MAP3K11: variants seen among roughly 807,000 people sequenced by gnomAD.
MAP3K11 encodes mitogen-activated protein kinase kinase kinase 11, also known as SH3 domain-containing proline-rich kinase.
Under a neutral mutation model 84.9 loss-of-function variants are expected in MAP3K11, and 46 were observed. That is an observed-to-expected ratio of 0.54 (90% CI 0.43 to 0.69). The LOEUF (loss-of-function observed/expected upper bound fraction) is 0.69. MAP3K11 is among the 30% of genes least tolerant of loss of function. MAP3K11 has a pLI of 0.00. For synonymous variants in MAP3K11, 527 were observed against 514.7 expected, an observed-to-expected ratio of 1.02 and a Z score of -0.32; for missense variants, 1,053 against 1,198.3, an observed-to-expected ratio of 0.88 and a Z score of 1.79.
At position 65,608,422 on chromosome 11, in the gene MAP3K11, C is replaced by T. The variant is rs532976710; in HGVS notation, c.766G>A (p.Asp256Asn). 7 of 1,614,160 alleles carry T rather than the reference C, an allele frequency of 4.3e-6. No individual in the cohort carries two copies. In the South Asian group the frequency reaches 5.5e-5, roughly 13 times the overall value. Residue 256 changes from aspartate to asparagine, a missense_variant, in exon 2 of 10, where the codon GAC (aspartate) becomes AAC (asparagine). Asp to Asn is a conservative substitution (Grantham distance 23, BLOSUM62 1). Around this residue, in one of 3 missense-constraint regions of MAP3K11, gnomAD observed 310 missense variants for 464.5 expected, o/e 0.67. Transcript: ENST00000309100. The part of the protein sequence containing the change: ...NILLLQPIES[D>N]DMEHKTLKIT... The stretch of plus-strand genomic sequence containing the variant: ...TTCAGGGTCTTGTGCTCCATGTCGT[C>T]ACTCTCAATGGGCTGCAGCAGCAAA...
chr11:65,601,124 C>G lies in MAP3K11; in HGVS notation c.1832-1356G>C, dbSNP rs369813259. On this transcript the variant is annotated intron_variant, in intron 8 of 9. Coordinates refer to ENST00000309100, the MANE Select transcript of MAP3K11 (RefSeq NM_002419.4). The stretch of plus-strand genomic sequence containing the variant: ...TGACCCATGTGCCTTGGCCCCTGTC[C>G]GCAGCCCCAGTCCTGAGACTCCTCG... Among the ~76,000 whole-genome samples the G allele has an allele frequency of 6.6e-5, 10 of 152,302 alleles. No homozygotes were observed. In the East Asian group the frequency reaches 1.3e-3, roughly 21 times the overall value.
intron 8 of MAP3K11, 59 bp from the exon 9 acceptor site, chr11:65,599,827 C>T (rs1400652943): frequency 6.5e-7 from 1 of 1,549,894 alleles, no homozygotes; most frequent in African/African-American, 1.4e-5. Flanking sequence ...GGTGAGGGCC[C>T]AAGACCTCTC....
rs1409843441 is a variant in MAP3K11 at position 65,598,607 on chromosome 11, G to A, written c.2228C>T (p.Pro743Leu). The A allele has an allele frequency of 6.5e-6, 10 of 1,548,978 alleles. 1 individual carries two copies. Among genetic ancestry groups the A allele is most frequent in the South Asian group, 4.9e-5 (4 of 81,840 alleles). The change falls in exon 10 of 10, where the codon CCG becomes CTG. Residue 743 changes from proline (P) to leucine (L), a missense_variant. Pro to Leu is a moderately conservative substitution (Grantham distance 98, BLOSUM62 -3). Around this residue, in one of 3 missense-constraint regions of MAP3K11, gnomAD observed 583 missense variants for 566.6 expected, o/e 1.03. Transcript: ENST00000309100. ...EPRGGTVSPP[P>L]GTSRSAPGTP... is the part of the protein sequence containing the mutation. Reference sequence around the variant, plus strand: ...GCCAGGAGCAGAGCGTGATGTCCCCGGTGGGGGTGAGACAGTGCCTCCTGT... The same window carrying A: ...GCCAGGAGCAGAGCGTGATGTCCCCAGTGGGGGTGAGACAGTGCCTCCTGT...
Position 65,599,750 on chromosome 11 carries a change from C to T in MAP3K11, c.1850G>A (p.Ser617Asn). ...CCTCTTGGGCTCCTCGGGCTCCAGG[C>T]TAGGCCGCGGGGGGTTACCTGCGGG... ...PALNGNPPRP[S>N]LEPEEPKRPV... is the part of the protein sequence containing the mutation. Residue 617 changes from serine (S) to asparagine (N), a missense_variant, in exon 9 of 10, where the codon AGC (serine) becomes AAC (asparagine). By Grantham distance (46) the Ser-to-Asn change is conservative (BLOSUM62 1). Coordinates refer to ENST00000309100, the MANE Select transcript of MAP3K11 (RefSeq NM_002419.4). 1 of 1,593,030 alleles carries T rather than the reference C, an allele frequency of 6.3e-7. No individual in the cohort carries two copies. Among genetic ancestry groups the T allele is most frequent in the Non-Finnish European group, 8.5e-7 (1 of 1,177,378 alleles).
Position 65,607,280 on chromosome 11 carries a change from GCTGAT to G in MAP3K11, c.1474_1478del (p.Ile492HisfsTer18). 6.6e-7 allele frequency: 1 copy of G among 1,520,214 alleles called. No homozygotes were observed. The highest frequency in any genetic ancestry group is 8.7e-7 in the Non-Finnish European group (1 of 1,143,022). The allele number at this position is 1,520,214 out of a possible 1,614,324, so 94.2% of individuals were successfully genotyped here. ...GGGCCCGGCCCTCACCGAGTGGCAT[GCTGAT>G]ACGCTCGCCGCCGTCGCGCGCCCGG... is the stretch of plus-strand genomic sequence containing the variant. On this transcript the variant is annotated frameshift_variant, in exon 5 of 10. Coordinates refer to ENST00000309100, the MANE Select transcript of MAP3K11 (RefSeq NM_002419.4). LOFTEE classifies it high-confidence loss of function.
Position 65,605,863 on chromosome 11 carries a change from G to A in MAP3K11, c.1740-11C>T. The A allele has an allele frequency of 6.2e-7, 1 of 1,612,950 alleles. No homozygotes were observed. Among genetic ancestry groups the A allele is most frequent in the Non-Finnish European group, 8.5e-7 (1 of 1,179,446 alleles). Reference sequence around the variant, plus strand: ...ATGCGGGACCTTCTCCTGGTGATGGGAGGGCAAGGAGGGGTGCTTTAGGAA... The same window carrying A: ...ATGCGGGACCTTCTCCTGGTGATGGAAGGGCAAGGAGGGGTGCTTTAGGAA... On this transcript the variant is annotated splice_polypyrimidine_tract_variant and intron_variant, in intron 7 of 9. Coordinates refer to ENST00000309100, the MANE Select transcript of MAP3K11 (RefSeq NM_002419.4).
At chr11:65,612,407 G>C (rs1256185647) in intron 1 of MAP3K11, 1 of 152,330 alleles carries the variant, frequency 6.6e-6, no homozygotes, top group Non-Finnish European at 1.5e-5. Flanking sequence ...AGGACCCGCT[G>C]TGGGTTGGGG....
intron 8 of MAP3K11, among the ~76,000 whole-genome samples, chr11:65,602,202 CAAAAAA>C (rs34876918): frequency 1.1e-5 from 1 of 90,294 alleles, no homozygotes. Flanking sequence ...GACTCCATCT[CAAAAAA>C]AAAAAAAAAA....
chr11:65,600,878 G>A (rs966393075), intron 8 of MAP3K11, among the ~76,000 whole-genome samples: 2 of 152,194 alleles, frequency 1.3e-5, no homozygotes, highest in African/African-American at 4.8e-5. Flanking sequence ...GGAAAAATGA[G>A]CTTCTACTAT....
chr11:65,606,548 G>C (rs565633203), intron 6 of MAP3K11, 143 bp downstream of exon 6: 1 of 586,428 alleles, frequency 1.7e-6, no homozygotes, highest in Non-Finnish European at 3.0e-6. Flanking sequence ...GGAGTTCAGA[G>C]GTAACAGGCT....
chr11:65,607,616 C>T (rs1275455097), intron 4 of MAP3K11, 25 bp downstream of exon 4: 10 of 1,586,666 alleles, frequency 6.3e-6, no homozygotes, highest in Non-Finnish European at 8.6e-6. Context: ...CTCGTTCCAA[C>T]GCTGGGTCCC....
chr11:65,613,747 A>C lies in MAP3K11; in HGVS notation c.10T>G (p.Leu4Val). The C allele has an allele frequency of 6.4e-7, 1 of 1,558,738 alleles. No individual in the cohort carries two copies. Among genetic ancestry groups the C allele is most frequent in the Non-Finnish European group, 8.7e-7 (1 of 1,153,498 alleles). Residue 4 changes from leucine to valine, a missense_variant, in exon 1 of 10, where the codon TTG becomes GTG. Leu to Val is a conservative substitution (Grantham distance 32). Around this residue, in one of 3 missense-constraint regions of MAP3K11, gnomAD observed 160 missense variants for 167.3 expected, o/e 0.96. Coordinates refer to ENST00000309100, the MANE Select transcript of MAP3K11 (RefSeq NM_002419.4). MEP[L>V]KSLFLKSPLG... ...GGGCTCTTGAGGAAGAGGCTCTTCA[A>C]GGGCTCCATGGCCGGGAGCCGGCGC...
chr11:65,605,791 C>G lies in MAP3K11; in HGVS notation c.1801G>C (p.Gly601Arg). 6.2e-7 allele frequency: 1 copy of G among 1,612,230 alleles called. No individual in the cohort carries two copies. The highest frequency in any genetic ancestry group is 8.5e-7 in the Non-Finnish European group (1 of 1,179,232). Reference protein sequence around the residue: ...YLDSDDSSPLGSPSTPPALNG... With the variant: ...YLDSDDSSPLRSPSTPPALNG... ...AGTGCTGGGGGTGTGGAAGGAGATC[C>G]TAAGGGGGATGAGTCATCTGAATCC... Residue 601 changes from glycine to arginine, a missense_variant, in exon 8 of 10, where the codon GGA becomes CGA. Physicochemically the swap from Gly to Arg is moderately radical, Grantham distance 125. Around this residue, in one of 3 missense-constraint regions of MAP3K11, gnomAD observed 583 missense variants for 566.6 expected, o/e 1.03. Coordinates refer to ENST00000309100, the MANE Select transcript of MAP3K11 (RefSeq NM_002419.4).
intron 1 of MAP3K11, chr11:65,611,221 A>C (rs1854567628): frequency 6.6e-6 from 1 of 151,880 alleles, no homozygotes; most frequent in Admixed American, 6.6e-5. Flanking sequence ...TGGGAGGGGG[A>C]GTCCTTTTGG....
At chr11:65,607,046 G>A in intron 5 of MAP3K11, 1 of 705,236 alleles carries the variant, frequency 1.4e-6, no homozygotes, top group Non-Finnish European at 2.2e-6. Flanking sequence ...CAGAACTTTC[G>A]TGAACCCCAC....
At chr11:65,605,270 C>T (rs1854494902) in intron 8 of MAP3K11, among the ~76,000 whole-genome samples, 2 of 152,062 alleles carry the variant, frequency 1.3e-5, no homozygotes. Flanking sequence ...CTGGATCCTG[C>T]CTGCTCGGCC....
intron 8 of MAP3K11, 80 bp downstream of exon 8, chr11:65,605,681 C>G (rs1854498468): frequency 1.1e-5 from 11 of 1,007,778 alleles, no homozygotes; most frequent in Non-Finnish European, 5.9e-6. Context: ...CCTGCTTTGC[C>G]TACTAGCCTA....
intron 9 of MAP3K11, among the ~76,000 whole-genome samples, chr11:65,599,161 T>C (rs1218587614): frequency 6.6e-6 from 1 of 152,026 alleles, no homozygotes; most frequent in African/African-American, 2.4e-5. Context: ...CCTGGCCCGA[T>C]TACTTCTTTT....
chr11:65,608,256 C>G lies in MAP3K11; in HGVS notation c.920+12G>C, dbSNP rs777027213. The G allele has an allele frequency of 3.1e-6, 5 of 1,611,406 alleles. No homozygotes were observed. In the Admixed American group the frequency reaches 6.7e-5, roughly 22 times the overall value. On this transcript the variant is annotated intron_variant, in intron 2 of 9. Coordinates refer to ENST00000309100, the MANE Select transcript of MAP3K11 (RefSeq NM_002419.4). ...CCCGTAGCAGCCCGTCCAGCCCCACCAAGGGCCGCACCTCCAGACGTCACT... is the reference window on the plus strand; with the variant it reads ...CCCGTAGCAGCCCGTCCAGCCCCACGAAGGGCCGCACCTCCAGACGTCACT...
Sources: gnomAD v4.1 joint callset for allele counts (sites outside exome capture counted in the v4.1 genomes callset) on GRCh38, gnomAD v4.1.1 for gene constraint, gnomAD v4.1.1 regional missense constraint, MANE v1.5 for transcripts, NCBI Gene and HGNC (gene_info 2026-07-23, HGNC 2026-07-21) for gene names.